The following IQANK1 variants were observed in gnomAD, a reference collection of about 807,000 sequenced individuals.
IQANK1 encodes the protein IQ motif and ankyrin repeat containing 1, also known as IQ motif and ankyrin repeat domain-containing protein 1.
Under a neutral mutation model 22.6 loss-of-function variants are expected in IQANK1, and 30 were observed. That is an observed-to-expected ratio of 1.33 (90% CI 0.99 to 1.80). IQANK1 has a LOEUF of 1.80. Ranked by LOEUF, IQANK1 falls within the 40% of genes most tolerant of loss-of-function variation. The pLI is 0.00. For missense variants in IQANK1, 275 were observed against 235.2 expected (o/e 1.17, Z -1.11); for synonymous variants, 122 against 99.6 (o/e 1.23, Z -1.34).
At chr8:143,766,586 G>A (rs12156265) in intron 3 of IQANK1, among the ~76,000 whole-genome samples, 60,814 of 151,814 alleles carry the variant, frequency 0.4, 15,426 homozygotes, top group Non-Finnish European at 0.57. Context: ...CAGGAGAATC[G>A]CTTGAACCCG....
chr8:143,748,819 TA>T (rs1554627607), intron 3 of IQANK1, among the ~76,000 whole-genome samples: 1 of 115,708 alleles, frequency 8.6e-6, no homozygotes, highest in East Asian at 2.6e-4. Context: ...TATAAATATA[TA>T]AATATATATT....
At chr8:143,738,758 G>A (rs1554626033) in intron 2 of IQANK1, among the ~76,000 whole-genome samples, 2 of 152,152 alleles carry the variant, frequency 1.3e-5, no homozygotes, top group African/African-American at 2.4e-5. Context: ...TCAAACTGCA[G>A]GCCACAGGGC....
Position 143,771,917 on chromosome 8 carries a change from C to T in IQANK1, c.423C>T (p.Asp141=). ...TGCAGCGTCGCCGCCGCCTGCTGGA[C>T]GCCGCCTTCGACGGGGACGTGGGCG... is the stretch of plus-strand genomic sequence containing the variant. The part of the protein sequence containing the change: ...EELQRRRRLL[D]AAFDGDVGEI... The change falls in exon 5 of 14, where the codon GAC becomes GAT. Residue 141 remains aspartate (D), a synonymous_variant. Coordinates refer to ENST00000527139, the MANE Select transcript of IQANK1 (RefSeq NM_001381874.1). This position sits in a 1 kb window ranked among gnomAD's most constrained non-coding sequence, Gnocchi z 6.0. The T allele has an allele frequency of 2.5e-6, 1 of 392,720 alleles. No homozygotes were observed. Among genetic ancestry groups the T allele is most frequent in the Non-Finnish European group, 4.5e-6 (1 of 223,166 alleles). The allele number at this position is 392,720 out of a possible 1,614,324, so 24.3% of individuals were successfully genotyped here.
intron 3 of IQANK1, among the ~76,000 whole-genome samples, chr8:143,748,782 CAT>C (rs1243049895): frequency 4.8e-5 from 2 of 41,472 alleles, no homozygotes; most frequent in Non-Finnish European, 1.2e-4. Flanking sequence ...ATAAATATAT[CAT>C]ATATAAATAT....
chr8:143,778,120 A>C (rs941043980), intron 7 of IQANK1, among the ~76,000 whole-genome samples: 2 of 152,106 alleles, frequency 1.3e-5, no homozygotes, highest in South Asian at 2.1e-4. Flanking sequence ...GCGTGAACCC[A>C]GGAGGCGGAG....
intron 3 of IQANK1, among the ~76,000 whole-genome samples, chr8:143,748,893 AC>A (rs1819109825): frequency 1.8e-5 from 2 of 114,108 alleles, no homozygotes; most frequent in African/African-American, 3.5e-5. Context: ...TATCATAAAT[AC>A]TTAAAAATAT....
chr8:143,746,359 TATTTTG>T (rs782472268), intron 3 of IQANK1: 1 of 152,222 alleles, frequency 6.6e-6, no homozygotes, highest in Admixed American at 6.6e-5. Flanking sequence ...GTTCCTTGTT[TATTTTG>T]GTTTTGGTTT....
chr8:143,741,434 C>T (rs373893315), intron 3 of IQANK1, among the ~76,000 whole-genome samples: 1 of 152,178 alleles, frequency 6.6e-6, no homozygotes, highest in East Asian at 1.9e-4. Flanking sequence ...GCCCCATGAC[C>T]CCTGCCATGG....
chr8:143,754,430 G>A (rs1331220642), intron 3 of IQANK1, among the ~76,000 whole-genome samples: 1 of 152,150 alleles, frequency 6.6e-6, no homozygotes, highest in Non-Finnish European at 1.5e-5. Context: ...ATCGACTGGG[G>A]AAGGATGCGC....
At chr8:143,773,658 CTT>C (rs1819629024) in intron 7 of IQANK1, among the ~76,000 whole-genome samples, 1 of 152,150 alleles carries the variant, frequency 6.6e-6, no homozygotes, top group Non-Finnish European at 1.5e-5. Context: ...CTGCCAGAGT[CTT>C]TGCCCAGCTA....
chr8:143,751,633 T>A (rs1554628038), intron 3 of IQANK1, among the ~76,000 whole-genome samples: 15 of 28,978 alleles, frequency 5.2e-4, no homozygotes, highest in Middle Eastern at 0.013. Context: ...AAAGTGTGTG[T>A]GTGTGTGTGT....
chr8:143,751,260 T>C (rs1554627996), intron 3 of IQANK1, among the ~76,000 whole-genome samples: 1 of 152,076 alleles, frequency 6.6e-6, no homozygotes. Flanking sequence ...AGGAAAAAAG[T>C]GGAGTTACAA....
intron 7 of IQANK1, among the ~76,000 whole-genome samples, chr8:143,775,378 A>G (rs142457433): frequency 8.8e-4 from 133 of 151,378 alleles, no homozygotes; most frequent in Middle Eastern, 3.4e-3. Flanking sequence ...ACACACACGA[A>G]AAATGACCCA....
intron 7 of IQANK1, among the ~76,000 whole-genome samples, chr8:143,784,382 TC>T (rs1819849320): frequency 6.6e-6 from 1 of 152,254 alleles, no homozygotes; most frequent in Admixed American, 6.5e-5. Context: ...TGTGCCTGCT[TC>T]CCCTTGGCCT....
rs1316330487 is a variant in IQANK1, at chr8:143,735,537, GGA to G, written c.-4-310_-4-309del. Among the ~76,000 whole-genome samples the G allele has an allele frequency of 4.6e-5, 7 of 152,270 alleles. No homozygotes were observed. Among genetic ancestry groups the G allele is most frequent in the African/African-American group, 1.7e-4 (7 of 41,542 alleles). On this transcript the variant is annotated intron_variant, in intron 1 of 13. Transcript: ENST00000527139. The surrounding 1 kb of genome is among the most constrained non-coding windows in gnomAD (Gnocchi z 5.2). ...CTGGCAACCCAGCAGCTTGGGGCAG[GGA>G]GAAGAGTGCTAGACTCCAGATCCTG...
At chr8:143,781,426 G>A (rs1819796679) in intron 7 of IQANK1, among the ~76,000 whole-genome samples, 1 of 152,180 alleles carries the variant, frequency 6.6e-6, no homozygotes. Context: ...TATTGCCTAT[G>A]TTGTCTTCCA....
chr8:143,742,416 T>C (rs1409279145), intron 3 of IQANK1: 3 of 455,884 alleles, frequency 6.6e-6, no homozygotes, highest in Non-Finnish European at 1.3e-5. Flanking sequence ...TCCTCTGCAT[T>C]GGTGCCCTCC....
chr8:143,747,459 G>A (rs891987589), intron 3 of IQANK1, among the ~76,000 whole-genome samples: 4 of 152,058 alleles, frequency 2.6e-5, no homozygotes, highest in Admixed American at 2.6e-4. Flanking sequence ...AGTTAGGTAG[G>A]TTATTGATTT....
Position 143,771,432 on chromosome 8 carries a change from G to T in IQANK1, c.176-56G>T, listed in dbSNP as rs1819570606. 4 of 396,000 alleles carry T rather than the reference G, an allele frequency of 1.0e-5. No individual in the cohort carries two copies. In the South Asian group the frequency reaches 3.8e-4, roughly 38 times the overall value. The allele number at this position is 396,000 out of a possible 1,614,324, so 24.5% of individuals were successfully genotyped here. On this transcript the variant is annotated intron_variant, in intron 3 of 13. Coordinates refer to ENST00000527139, the MANE Select transcript of IQANK1 (RefSeq NM_001381874.1). The surrounding 1 kb of genome is among the most constrained non-coding windows in gnomAD (Gnocchi z 6.0). Reference sequence around the variant, plus strand: ...CGGGGCCGGCTCCACTCCCAGGGGCGCAGCAGGCGTGGCTGGAGGCGAGAA... The same window carrying T: ...CGGGGCCGGCTCCACTCCCAGGGGCTCAGCAGGCGTGGCTGGAGGCGAGAA...
Sources: allele counts gnomAD v4.1 joint callset (sites outside exome capture counted in the v4.1 genomes callset), GRCh38; gene constraint gnomAD v4.1.1; non-coding constraint Gnocchi (gnomAD v3.1); transcripts MANE v1.5; gene names NCBI Gene and HGNC (gene_info 2026-07-23, HGNC 2026-07-21).